Variants in LIN7A observed in about 807,000 individuals in gnomAD.
The protein encoded by LIN7A is lin-7 cell polarity scaffold A, also known as protein lin-7 homolog A.
Under a neutral mutation model 29.8 loss-of-function variants are expected in LIN7A, and 25 were observed. The ratio of observed to expected loss-of-function variants is 0.84; its 90% CI spans 0.61 to 1.17. LIN7A has a LOEUF of 1.17. Among genes scored for constraint, LIN7A ranks in the 50% most tolerant of loss-of-function variants. The pLI is 0.00. For missense variants in LIN7A, 239 were observed against 287.0 expected, an observed-to-expected ratio of 0.83 and a Z score of 1.21; for synonymous variants, 118 against 107.5, an observed-to-expected ratio of 1.10 and a Z score of -0.60.
chr12:80,813,247 G>C (rs1042838452), intron 4 of LIN7A, among the ~76,000 whole-genome samples: 5 of 152,162 alleles, frequency 3.3e-5, no homozygotes, highest in Non-Finnish European at 7.3e-5. Flanking sequence ...TCCTGACCTT[G>C]TGATCCGCCC....
chr12:80,851,578 A>G (rs1010300984), intron 2 of LIN7A, among the ~76,000 whole-genome samples: 4 of 152,174 alleles, frequency 2.6e-5, no homozygotes, highest in Middle Eastern at 3.2e-3. Context: ...TTTTTAAAGT[A>G]TTTGTAAAAA....
At chr12:80,811,299 TTTGA>T (rs1262806261) in intron 5 of LIN7A, among the ~76,000 whole-genome samples, 162 bp downstream of exon 5, 3 of 152,178 alleles carry the variant, frequency 2.0e-5, no homozygotes, top group East Asian at 3.8e-4. Flanking sequence ...CTGTCTTTTG[TTTGA>T]TTGATTTTGT....
chr12:80,815,875 G>A (rs1454130860), intron 4 of LIN7A, among the ~76,000 whole-genome samples: 1 of 152,140 alleles, frequency 6.6e-6, no homozygotes, highest in Non-Finnish European at 1.5e-5. Flanking sequence ...GGTGAGGAGT[G>A]ATGAGAACAG....
chr12:80,886,585 C>A (rs892026387), intron 2 of LIN7A, among the ~76,000 whole-genome samples: 2 of 151,994 alleles, frequency 1.3e-5, no homozygotes, highest in East Asian at 1.9e-4. Context: ...TCCTGTATAA[C>A]GTGCATTGCC....
intron 1 of LIN7A, among the ~76,000 whole-genome samples, chr12:80,924,783 G>A (rs1239823318): frequency 6.6e-6 from 1 of 152,146 alleles, no homozygotes; most frequent in Non-Finnish European, 1.5e-5. Context: ...ATCTGTATAT[G>A]ATTAGCTTAT....
chr12:80,930,111 G>A (rs1877812892), intron 1 of LIN7A, among the ~76,000 whole-genome samples: 1 of 152,102 alleles, frequency 6.6e-6, no homozygotes, highest in Non-Finnish European at 1.5e-5. Context: ...TCCACACTGG[G>A]CAAGTAAACA....
chr12:80,888,652 T>C (rs547873914), intron 2 of LIN7A, among the ~76,000 whole-genome samples: 220 of 150,952 alleles, frequency 1.5e-3, no homozygotes, highest in African/African-American at 5.1e-3. Context: ...GTGGCTTCTT[T>C]TGTAACCAAT....
chr12:80,921,622 C>T (rs1216904736), intron 1 of LIN7A, among the ~76,000 whole-genome samples: 1 of 151,684 alleles, frequency 6.6e-6, no homozygotes, highest in Non-Finnish European at 1.5e-5. Context: ...ATCAGGGAGG[C>T]CCCACCCTTC....
intron 2 of LIN7A, among the ~76,000 whole-genome samples, chr12:80,854,543 A>G (rs1873502960): frequency 6.6e-6 from 1 of 150,754 alleles, no homozygotes; most frequent in East Asian, 1.9e-4. Context: ...TGACACTTTG[A>G]AAAAGACAAA....
intron 2 of LIN7A, among the ~76,000 whole-genome samples, chr12:80,856,877 G>A (rs375678973): frequency 3.7e-4 from 56 of 152,244 alleles, no homozygotes; most frequent in Non-Finnish European, 6.2e-4. Flanking sequence ...TGAATTTGAC[G>A]ATTGAAAACA....
At chr12:80,894,966 C>T (rs574745137) in intron 1 of LIN7A, among the ~76,000 whole-genome samples, 12 of 152,286 alleles carry the variant, frequency 7.9e-5, no homozygotes, top group African/African-American at 2.9e-4. Context: ...AATCCAAAAC[C>T]AGCTGTGTTT....
At chr12:80,869,796 A>G (rs1338803354) in intron 2 of LIN7A, among the ~76,000 whole-genome samples, 1 of 151,546 alleles carries the variant, frequency 6.6e-6, no homozygotes, top group Non-Finnish European at 1.5e-5. Context: ...TTAGTTTAAG[A>G]GAAGGCAACA....
intron 2 of LIN7A, among the ~76,000 whole-genome samples, chr12:80,880,012 G>A (rs1874944866): frequency 6.6e-6 from 1 of 152,198 alleles, no homozygotes. Context: ...ATTTTATGTA[G>A]TCTAAGCAGA....
intron 4 of LIN7A, among the ~76,000 whole-genome samples, chr12:80,833,164 C>T (rs1384184537): frequency 2.0e-5 from 3 of 152,138 alleles, no homozygotes; most frequent in Non-Finnish European, 4.4e-5. Context: ...AAATTAAAAC[C>T]TATGCCCTTG....
chr12:80,872,242 T>A (rs1299732346), intron 2 of LIN7A, among the ~76,000 whole-genome samples: 1 of 152,170 alleles, frequency 6.6e-6, no homozygotes, highest in African/African-American at 2.4e-5. Flanking sequence ...ATATAAAGCA[T>A]GATTCAGCAA....
chr12:80,937,854 T>G lies in LIN7A; in HGVS notation c.-132A>C. The G allele has an allele frequency of 4.7e-5, 29 of 614,570 alleles. No individual in the cohort carries two copies. The highest frequency in any genetic ancestry group is 7.0e-5 in the East Asian group (2 of 28,630). 38.1% of individuals were successfully genotyped at this position (614,570 alleles called of 1,614,324 possible). A position where few individuals can be genotyped will look rare whatever the true frequency, so the allele number is the denominator to read the frequency against. ...GGAGAAGAAAGCTTGGGTGGGTTGG[T>G]AGCCAGATGGAGACGCAACTGTTCC... On this transcript the variant is annotated 5_prime_UTR_variant, in exon 1 of 6. Coordinates refer to ENST00000552864, the MANE Select transcript of LIN7A (RefSeq NM_004664.4).
chr12:80,811,784 AT>A (rs1347232652), intron 4 of LIN7A, 101 bp from the exon 5 acceptor site: 2 of 1,366,538 alleles, frequency 1.5e-6, no homozygotes, highest in African/African-American at 2.9e-5. Context: ...AAAATTTAAA[AT>A]TTTAAGAAAA....
At chr12:80,884,362 T>C (rs1422760254) in intron 2 of LIN7A, among the ~76,000 whole-genome samples, 1 of 152,172 alleles carries the variant, frequency 6.6e-6, no homozygotes, top group Non-Finnish European at 1.5e-5. Flanking sequence ...TCTTGGAGAT[T>C]TAGAGTAACA....
At position 80,845,713 on chromosome 12, in the gene LIN7A, T is replaced by C; in HGVS notation, c.483+17A>G. The stretch of plus-strand genomic sequence containing the variant: ...ATGTGCTTAAGGAGAAAATCTCTGG[T>C]TATTTTATAAACATACCACTCCGTT... On this transcript the variant is annotated intron_variant, in intron 4 of 5. Transcript: ENST00000552864. The C allele has an allele frequency of 6.3e-7, 1 of 1,592,688 alleles. No individual in the cohort carries two copies. Among genetic ancestry groups the C allele is most frequent in the Non-Finnish European group, 8.5e-7 (1 of 1,170,008 alleles).
Sources: allele counts gnomAD v4.1 joint callset (sites outside exome capture counted in the v4.1 genomes callset), GRCh38; gene constraint gnomAD v4.1.1; transcripts MANE v1.5; gene names NCBI Gene and HGNC (gene_info 2026-07-23, HGNC 2026-07-21).